INVS: variants seen among roughly 807,000 people sequenced by gnomAD.
The protein encoded by INVS is inversin.
In INVS, 86 loss-of-function variants were observed where a neutral mutation model predicts 108.8. The ratio of observed to expected loss-of-function variants is 0.79; its 90% CI spans 0.66 to 0.95. The LOEUF is 0.95. Ranked by LOEUF, INVS falls within the 40% of genes least tolerant of loss-of-function variation. The pLI, the probability that INVS is intolerant of heterozygous loss-of-function variation, is 0.00. For synonymous variants in INVS, 455 were observed against 473.5 expected, an observed-to-expected ratio of 0.96 and a Z score of 0.51; for missense variants, 1,169 against 1,297.4, an observed-to-expected ratio of 0.90 and a Z score of 1.52.
At chr9:100,137,921 T>A (rs1828280215) in intron 3 of INVS, among the ~76,000 whole-genome samples, 1 of 152,222 alleles carries the variant, frequency 6.6e-6, no homozygotes, top group Non-Finnish European at 1.5e-5. Flanking sequence ...ATTTAAACAT[T>A]AAGGTTCTAC....
At chr9:100,282,484 A>G (rs1488996535) in intron 12 of INVS, among the ~76,000 whole-genome samples, 2 of 152,218 alleles carry the variant, frequency 1.3e-5, no homozygotes, top group Non-Finnish European at 2.9e-5. Context: ...ACAGGAAGAA[A>G]GAGTTTCAGA....
intron 3 of INVS, among the ~76,000 whole-genome samples, chr9:100,156,302 T>C (rs1828979782): frequency 6.8e-6 from 1 of 148,070 alleles, no homozygotes; most frequent in Admixed American, 6.8e-5. Context: ...ACTCTGTCTC[T>C]CAGTCTGGAG....
At chr9:100,297,261 G>C in intron 15 of INVS, 115 bp downstream of exon 15, 1 of 865,850 alleles carries the variant, frequency 1.2e-6, no homozygotes, top group Non-Finnish European at 1.9e-6. Flanking sequence ...AATTAGGTTG[G>C]TGCAAAATTA....
intron 3 of INVS, among the ~76,000 whole-genome samples, chr9:100,174,381 C>T (rs1829642828): frequency 6.7e-6 from 1 of 149,632 alleles, no homozygotes; most frequent in Non-Finnish European, 1.5e-5. Flanking sequence ...AAAGATAGAT[C>T]AATAGAAATT....
intron 3 of INVS, among the ~76,000 whole-genome samples, chr9:100,183,446 C>T (rs1351937813): frequency 3.3e-5 from 5 of 152,040 alleles, no homozygotes; most frequent in Non-Finnish European, 7.4e-5. Flanking sequence ...CAGAATAAAA[C>T]TGAAATAAGG....
intron 16 of INVS, chr9:100,298,417 C>A: frequency 1.3e-6 from 1 of 751,148 alleles, no homozygotes; most frequent in Non-Finnish European, 1.6e-6. Context: ...AGAGCATGTA[C>A]AGCCCAGGCT....
intron 3 of INVS, among the ~76,000 whole-genome samples, chr9:100,182,834 G>A (rs183780664): frequency 2.0e-5 from 3 of 152,272 alleles, no homozygotes; most frequent in Admixed American, 2.0e-4. Flanking sequence ...GCACACATAT[G>A]TTTATTGCAG....
intron 3 of INVS, among the ~76,000 whole-genome samples, chr9:100,157,554 C>T (rs150686732): frequency 2.1e-4 from 32 of 152,090 alleles, no homozygotes; most frequent in African/African-American, 4.8e-4. Context: ...CGTGAGCCAC[C>T]GTGCCCGGCC....
chr9:100,244,991 A>G (rs1218475786), intron 7 of INVS, among the ~76,000 whole-genome samples: 2 of 152,212 alleles, frequency 1.3e-5, no homozygotes, highest in African/African-American at 4.8e-5. Flanking sequence ...ACATTTCTTC[A>G]TCAGTAAAAT....
At chr9:100,173,752 A>T (rs537342689) in intron 3 of INVS, among the ~76,000 whole-genome samples, 1 of 152,148 alleles carries the variant, frequency 6.6e-6, no homozygotes, top group Non-Finnish European at 1.5e-5. Flanking sequence ...AATGAAAAAC[A>T]GAAGAGATTT....
chr9:100,123,009 C>T (rs1387726164), intron 2 of INVS, among the ~76,000 whole-genome samples: 4 of 152,020 alleles, frequency 2.6e-5, no homozygotes. Context: ...CATGTTCCTT[C>T]TATTTTTCAT....
chr9:100,161,231 C>T (rs1829165000), intron 3 of INVS, among the ~76,000 whole-genome samples: 1 of 151,542 alleles, frequency 6.6e-6, no homozygotes, highest in Non-Finnish European at 1.5e-5. Context: ...CAAAAATTAG[C>T]TGGGTGTGGT....
intron 1 of INVS, chr9:100,101,506 A>G (rs1287169265): frequency 6.6e-6 from 1 of 152,150 alleles, no homozygotes; most frequent in Non-Finnish European, 1.5e-5. Context: ...GAAGTGTCTC[A>G]CAACACCCTC....
chr9:100,171,865 G>T (rs1395651586), intron 3 of INVS, among the ~76,000 whole-genome samples: 1 of 152,108 alleles, frequency 6.6e-6, no homozygotes, highest in African/African-American at 2.4e-5. Context: ...TAAATCAGAA[G>T]ACCTAGATTC....
intron 5 of INVS, among the ~76,000 whole-genome samples, chr9:100,235,315 T>A (rs1299220581): frequency 3.3e-5 from 5 of 152,226 alleles, no homozygotes; most frequent in African/African-American, 1.2e-4. Flanking sequence ...CTTGACTCTT[T>A]ATCCAATTTG....
chr9:100,162,583 A>C (rs12379327), intron 3 of INVS, among the ~76,000 whole-genome samples: 29,331 of 152,144 alleles, frequency 0.19, 4,513 homozygotes, highest in African/African-American at 0.43. Flanking sequence ...AAATCTTCTC[A>C]GAAGCCCTGT....
chr9:100,101,016 GTATATATAT>G lies in INVS; in HGVS notation c.-25+1617_-25+1625del, dbSNP rs569705126. Among the ~76,000 whole-genome samples the G allele has an allele frequency of 1.0e-4, 9 of 87,716 alleles. No homozygotes were observed. In the South Asian group the frequency reaches 1.4e-3, roughly 14 times the overall value. The allele number at this position is 87,716 out of a possible 152,430, so 57.5% of individuals were successfully genotyped here. ...TGTATATATAATATATATATTATAT[GTATATATAT>G]TATATATATTATATATGTGTATATA... On this transcript the variant is annotated intron_variant, in intron 1 of 16. Transcript: ENST00000262457.
At chr9:100,279,942 C>A (rs1451082614) in intron 12 of INVS, among the ~76,000 whole-genome samples, 2 of 152,174 alleles carry the variant, frequency 1.3e-5, no homozygotes, top group Non-Finnish European at 2.9e-5. Context: ...TCCAACTGTG[C>A]AGGGCCAGAG....
At chr9:100,132,214 A>G (rs1828074421) in intron 3 of INVS, among the ~76,000 whole-genome samples, 2 of 129,200 alleles carry the variant, frequency 1.5e-5, no homozygotes, top group African/African-American at 6.2e-5. Context: ...ACAGTAATTT[A>G]TTTAAGGAAT....
Sources: allele counts gnomAD v4.1 joint callset (sites outside exome capture counted in the v4.1 genomes callset), GRCh38; gene constraint gnomAD v4.1.1; transcripts MANE v1.5; gene names NCBI Gene and HGNC (gene_info 2026-07-23, HGNC 2026-07-21).